The following ADAMTS12 variants were observed in gnomAD, a reference collection of about 807,000 sequenced individuals.
ADAMTS12 encodes the protein A disintegrin and metalloproteinase with thrombospondin motifs 12.
A neutral mutation model predicts 167.8 loss-of-function variants in ADAMTS12; 118 were observed. The observed-to-expected ratio is 0.70, with a 90% CI of 0.61 to 0.82. The LOEUF (loss-of-function observed/expected upper bound fraction) is 0.82. Among genes scored for constraint, ADAMTS12 ranks in the 40% least tolerant of loss-of-function variants. ADAMTS12 has a pLI of 0.00. For missense variants in ADAMTS12, 1,916 were observed against 1,998.8 expected (o/e 0.96, Z 0.79); for synonymous variants, 704 against 716.9 (o/e 0.98, Z 0.29).
Position 33,618,050 on chromosome 5 carries a change from C to G in ADAMTS12, c.2144-1978G>C, listed in dbSNP as rs369534903. On this transcript the variant is annotated intron_variant, in intron 14 of 23. Transcript: ENST00000504830. ...TGTATAATTTTTGACTATCTCCAAACTTAACAACTTGACCAGAAGCTCTAC... is the reference window on the plus strand; with the variant it reads ...TGTATAATTTTTGACTATCTCCAAAGTTAACAACTTGACCAGAAGCTCTAC... Among the ~76,000 whole-genome samples, 12 of 152,332 alleles carry G rather than the reference C, an allele frequency of 7.9e-5. No homozygotes were observed. The East Asian group carries it at 2.1e-3, about 27-fold the overall frequency.
chr5:33,859,318 T>TG (rs1316580238), intron 2 of ADAMTS12, among the ~76,000 whole-genome samples: 1 of 152,108 alleles, frequency 6.6e-6, no homozygotes, highest in Admixed American at 6.6e-5. Flanking sequence ...ACTAGCTTGG[T>TG]GGGGGGAGGG....
intron 5 of ADAMTS12, among the ~76,000 whole-genome samples, chr5:33,666,640 G>T (rs10472875): frequency 0.34 from 50,921 of 151,750 alleles, 8,858 homozygotes; most frequent in African/African-American, 0.45. Context: ...CTACAGGCAC[G>T]CACCACCATG....
At chr5:33,868,145 T>C (rs1749899752) in intron 2 of ADAMTS12, among the ~76,000 whole-genome samples, 1 of 152,188 alleles carries the variant, frequency 6.6e-6, no homozygotes, top group Non-Finnish European at 1.5e-5. Flanking sequence ...CTCTTTTCTT[T>C]ATAAATTACC....
chr5:33,790,948 A>G (rs1247724860), intron 2 of ADAMTS12, among the ~76,000 whole-genome samples: 2 of 152,026 alleles, frequency 1.3e-5, no homozygotes, highest in Non-Finnish European at 2.9e-5. Flanking sequence ...GTTCTTGCAC[A>G]TTTAGTGATG....
intron 2 of ADAMTS12, among the ~76,000 whole-genome samples, chr5:33,859,508 G>C (rs1749524703): frequency 6.6e-6 from 1 of 152,232 alleles, no homozygotes; most frequent in Admixed American, 6.5e-5. Flanking sequence ...AGCAGCTCCA[G>C]TCAGGGGCTT....
At chr5:33,785,337 C>T (rs886724136) in intron 2 of ADAMTS12, among the ~76,000 whole-genome samples, 2 of 151,972 alleles carry the variant, frequency 1.3e-5, no homozygotes, top group Admixed American at 6.6e-5. Context: ...AACAAAATCG[C>T]AAACTTTGCT....
chr5:33,684,745 G>C (rs1461785633), intron 3 of ADAMTS12, among the ~76,000 whole-genome samples: 3 of 152,204 alleles, frequency 2.0e-5, no homozygotes, highest in Non-Finnish European at 4.4e-5. Flanking sequence ...ACAGGTTTTA[G>C]TATGAAAAGG....
intron 2 of ADAMTS12, among the ~76,000 whole-genome samples, chr5:33,771,683 C>A (rs1010178908): frequency 2.0e-5 from 3 of 151,978 alleles, no homozygotes; most frequent in Admixed American, 1.3e-4. Flanking sequence ...CTGAATTATA[C>A]ACATAGAAAT....
chr5:33,881,337 C>G lies in ADAMTS12; in HGVS notation c.271G>C (p.Val91Leu), dbSNP rs771158358. 5 of 1,614,214 alleles carry G rather than the reference C, an allele frequency of 3.1e-6. No homozygotes were observed. The East Asian group carries it at 1.1e-4, about 36-fold the overall frequency. The change falls in exon 2 of 24, where the codon GTG becomes CTG. Residue 91 changes from valine to leucine, a missense_variant. Physicochemically the swap from Val to Leu is conservative, Grantham distance 32. Coordinates refer to ENST00000504830, the MANE Select transcript of ADAMTS12 (RefSeq NM_030955.4). ...KRDLDGSEDW[V>L]YYRISHEEKD... ...TCCTCGTGAGAAATTCTGTAGTACA[C>G]CCAGTCCTCTGAGCCATCCAAATCT... is the stretch of plus-strand genomic sequence containing the variant.
chr5:33,799,529 A>G (rs1173900265), intron 2 of ADAMTS12, among the ~76,000 whole-genome samples: 1 of 152,030 alleles, frequency 6.6e-6, no homozygotes, highest in Non-Finnish European at 1.5e-5. Flanking sequence ...TTCCCAAACC[A>G]TTTATTGACA....
At chr5:33,632,920 G>A (rs1396417706) in intron 12 of ADAMTS12, among the ~76,000 whole-genome samples, 1 of 152,092 alleles carries the variant, frequency 6.6e-6, no homozygotes, top group South Asian at 2.1e-4. Flanking sequence ...TGTTTATTCA[G>A]AGAGAAACGG....
At chr5:33,771,591 G>C (rs1745738042) in intron 2 of ADAMTS12, among the ~76,000 whole-genome samples, 1 of 152,054 alleles carries the variant, frequency 6.6e-6, no homozygotes, top group Non-Finnish European at 1.5e-5. Flanking sequence ...TTGTTTAACA[G>C]ATAGAGTTTT....
At chr5:33,604,626 A>G (rs1738349144) in intron 16 of ADAMTS12, among the ~76,000 whole-genome samples, 1 of 152,020 alleles carries the variant, frequency 6.6e-6, no homozygotes, top group Non-Finnish European at 1.5e-5. Context: ...TCAATTTCTA[A>G]TCAAGAGCTC....
intron 2 of ADAMTS12, among the ~76,000 whole-genome samples, chr5:33,793,950 C>T (rs1018889533): frequency 3.0e-4 from 46 of 152,166 alleles, no homozygotes; most frequent in African/African-American, 9.9e-4. Context: ...GGCTTCTCGC[C>T]GCTTTCAAAT....
At chr5:33,570,400 G>A (rs540471444) in intron 19 of ADAMTS12, among the ~76,000 whole-genome samples, 39 of 152,224 alleles carry the variant, frequency 2.6e-4, no homozygotes, top group African/African-American at 6.0e-4. Flanking sequence ...TGGATCTCTC[G>A]GCAGAAACTC....
rs1740821380 is a variant in ADAMTS12, at chr5:33,650,143, A to G, written c.1191-446T>C. Among the ~76,000 whole-genome samples the G allele has an allele frequency of 1.3e-5, 2 of 152,144 alleles. 1 individual carries two copies. The highest frequency in any genetic ancestry group is 4.8e-5 in the African/African-American group (2 of 41,434). Reference sequence around the variant, plus strand: ...GCATGAAAGGAGAAGCCTCTGGGAGACTTTGTCAAAGCCTACAAGCTTTGA... The same window carrying G: ...GCATGAAAGGAGAAGCCTCTGGGAGGCTTTGTCAAAGCCTACAAGCTTTGA... On this transcript the variant is annotated intron_variant, in intron 7 of 23. Transcript: ENST00000504830.
chr5:33,572,278 T>A (rs79656119), intron 19 of ADAMTS12, among the ~76,000 whole-genome samples: 42,471 of 151,492 alleles, frequency 0.28, 7,504 homozygotes, highest in Non-Finnish European at 0.39. Flanking sequence ...TACCAAAGCC[T>A]GGCAGAGACA....
rs549369050 is a variant in ADAMTS12 at position 33,759,807 on chromosome 5, C to G, written c.490-8259G>C. 3.5e-4 allele frequency among the ~76,000 whole-genome samples: 54 copies of G among 152,298 alleles called. 1 individual carries two copies. The South Asian group carries it at 0.011, about 32-fold the overall frequency. On this transcript the variant is annotated intron_variant, in intron 2 of 23. Coordinates refer to ENST00000504830, the MANE Select transcript of ADAMTS12 (RefSeq NM_030955.4). ...ATTTCGTTTTAATTCCCAAGAGCTG[C>G]TCCCACAGATTCACAAACTATTGTT...
chr5:33,792,340 G>A (rs1010344168), intron 2 of ADAMTS12, among the ~76,000 whole-genome samples: 11 of 152,250 alleles, frequency 7.2e-5, no homozygotes, highest in African/African-American at 2.2e-4. Flanking sequence ...AAGGGACCCC[G>A]TACTATAGAG....
Sources: allele counts gnomAD v4.1 joint callset (sites outside exome capture counted in the v4.1 genomes callset), GRCh38; gene constraint gnomAD v4.1.1; transcripts MANE v1.5; gene names NCBI Gene and HGNC (gene_info 2026-07-23, HGNC 2026-07-21).